FAM13C: variants seen among roughly 807,000 people sequenced by gnomAD.
The protein encoded by FAM13C is protein FAM13C.
In FAM13C, 37 loss-of-function variants were observed where a neutral mutation model predicts 73.2. That is an observed-to-expected ratio of 0.51 (90% CI 0.39 to 0.67). The LOEUF is 0.67. Among genes scored for constraint, FAM13C ranks in the 30% least tolerant of loss-of-function variants. FAM13C has a pLI of 0.00. For missense variants in FAM13C, 589 were observed against 715.6 expected (o/e 0.82, Z 2.02); for synonymous variants, 246 against 260.9 (o/e 0.94, Z 0.55).
intron 2 of FAM13C, among the ~76,000 whole-genome samples, chr10:59,354,224 A>G (rs1303572382): frequency 6.6e-6 from 1 of 152,206 alleles, no homozygotes; most frequent in Non-Finnish European, 1.5e-5. Flanking sequence ...AGTCAATCAA[A>G]ATTTAGAAGT....
chr10:59,274,450 AGACT>A (rs1382825658), intron 6 of FAM13C, among the ~76,000 whole-genome samples: 1 of 152,072 alleles, frequency 6.6e-6, no homozygotes, highest in African/African-American at 2.4e-5. Context: ...TGCATTGGGG[AGACT>A]GACTGAGCAG....
upstream of FAM13C, chr10:59,363,117 T>C (rs981240854): frequency 1.3e-5 from 2 of 152,594 alleles, no homozygotes; most frequent in Admixed American, 6.5e-5. Flanking sequence ...ACCTGATCTG[T>C]CTAGAGCGCT....
intron 5 of FAM13C, among the ~76,000 whole-genome samples, chr10:59,285,664 C>T (rs1845467924): frequency 6.6e-6 from 1 of 152,196 alleles, no homozygotes; most frequent in African/African-American, 2.4e-5. Context: ...GGCTGCATTA[C>T]TCACAATAAC....
chr10:59,277,237 C>T (rs1370010741), intron 6 of FAM13C, among the ~76,000 whole-genome samples: 1 of 152,100 alleles, frequency 6.6e-6, no homozygotes, highest in Non-Finnish European at 1.5e-5. Flanking sequence ...ATAGAATATA[C>T]TGATATGACA....
At chr10:59,286,518 T>TATATATATATATATATATATATATATAG in intron 5 of FAM13C, among the ~76,000 whole-genome samples, 1 of 124,418 alleles carries the variant, frequency 8.0e-6, no homozygotes, top group Non-Finnish European at 1.6e-5. Flanking sequence ...CCATCTCAAA[T>TATATATATATATATATATATATATATAG]ATATATATAT....
At chr10:59,260,886 T>C (rs764872938) in intron 10 of FAM13C, among the ~76,000 whole-genome samples, 8 of 152,158 alleles carry the variant, frequency 5.3e-5, no homozygotes, top group Non-Finnish European at 7.4e-5. Context: ...TTACCTGTAT[T>C]TTACAGATGA....
At chr10:59,257,463 C>T (rs1314751626) in intron 10 of FAM13C, among the ~76,000 whole-genome samples, 1 of 152,170 alleles carries the variant, frequency 6.6e-6, no homozygotes, top group African/African-American at 2.4e-5. Context: ...CCACAGTAAG[C>T]CACAGAAATT....
At chr10:59,342,889 T>C (rs1945405553) in intron 3 of FAM13C, among the ~76,000 whole-genome samples, 1 of 152,340 alleles carries the variant, frequency 6.6e-6, no homozygotes, top group African/African-American at 2.4e-5. Context: ...AGCTGTTTTC[T>C]TTGCCTAAAG....
chr10:59,284,988 C>G (rs893034920), intron 5 of FAM13C, among the ~76,000 whole-genome samples: 1 of 152,098 alleles, frequency 6.6e-6, no homozygotes, highest in Non-Finnish European at 1.5e-5. Flanking sequence ...AGATCGAGTC[C>G]CACACACACC....
At chr10:59,348,346 C>A (rs906121828) in intron 3 of FAM13C, among the ~76,000 whole-genome samples, 1 of 152,218 alleles carries the variant, frequency 6.6e-6, no homozygotes, top group Admixed American at 6.5e-5. Context: ...CAGAACCACT[C>A]TCTCAACCAT....
intron 6 of FAM13C, among the ~76,000 whole-genome samples, chr10:59,276,486 A>G (rs1216222066): frequency 6.6e-6 from 1 of 152,142 alleles, no homozygotes; most frequent in Non-Finnish European, 1.5e-5. Flanking sequence ...CAATCCTAGG[A>G]ATTAGATAGT....
intron 9 of FAM13C, 101 bp from the exon 10 acceptor site, chr10:59,262,746 A>G: frequency 2.1e-6 from 2 of 965,812 alleles, no homozygotes. Flanking sequence ...AAATCTGTAG[A>G]AATGAACACT....
intron 3 of FAM13C, among the ~76,000 whole-genome samples, chr10:59,340,216 T>A (rs1564609155): frequency 6.6e-6 from 1 of 151,898 alleles, no homozygotes; most frequent in East Asian, 1.9e-4. Context: ...ATTTTCTGAT[T>A]AAAAAAAAAT....
chr10:59,253,064 A>G (rs1264998813), intron 11 of FAM13C, 66 bp from the exon 12 acceptor site: 3 of 1,497,914 alleles, frequency 2.0e-6, no homozygotes, highest in African/African-American at 2.8e-5. Context: ...GGAAACAAAA[A>G]CAGGAAGGGG....
intron 4 of FAM13C, among the ~76,000 whole-genome samples, chr10:59,304,834 C>CAGGGGAGGGGGAGGGGGA (rs1300038139): frequency 3.0e-5 from 1 of 33,642 alleles, no homozygotes. Context: ...GGGGAGGGGG[C>CAGGGGAGGGGGAGGGGGA]GGGGGAGGGG....
rs768501537 is a variant in FAM13C at position 59,302,797 on chromosome 10, G to A, written c.507+4C>T. 40 of 1,613,262 alleles carry A rather than the reference G, an allele frequency of 2.5e-5. No homozygotes were observed. Among genetic ancestry groups the A allele is most frequent in the Middle Eastern group, 3.3e-4 (2 of 6,084 alleles). On this transcript the variant is annotated splice_donor_region_variant and intron_variant, in intron 5 of 13. Transcript: ENST00000618804. Reference sequence around the variant, plus strand: ...TTCTTATAACCAGTAATGATTGCACGTACCTCATTTAAGTCCTGCCGAGTT... The same window carrying A: ...TTCTTATAACCAGTAATGATTGCACATACCTCATTTAAGTCCTGCCGAGTT...
chr10:59,250,705 T>G (rs1041155127), intron 13 of FAM13C, among the ~76,000 whole-genome samples: 5 of 152,200 alleles, frequency 3.3e-5, no homozygotes, highest in African/African-American at 1.2e-4. Context: ...CATGTAGCAC[T>G]GATGAGTTTA....
intron 10 of FAM13C, among the ~76,000 whole-genome samples, chr10:59,259,001 T>C (rs1842214620): frequency 6.6e-6 from 1 of 152,184 alleles, no homozygotes; most frequent in Non-Finnish European, 1.5e-5. Context: ...AAGGTCAATA[T>C]TGATATATGT....
At chr10:59,357,768 A>G (rs762380996) in intron 1 of FAM13C, among the ~76,000 whole-genome samples, 3 of 152,240 alleles carry the variant, frequency 2.0e-5, no homozygotes, top group Non-Finnish European at 4.4e-5. Flanking sequence ...CATTTTATGT[A>G]GCACTGCTTC....
Sources: allele counts gnomAD v4.1 joint callset (sites outside exome capture counted in the v4.1 genomes callset), GRCh38; gene constraint gnomAD v4.1.1; transcripts MANE v1.5; gene names NCBI Gene and HGNC (gene_info 2026-07-23, HGNC 2026-07-21).